The following CRACD variants were observed in gnomAD, a reference collection of about 807,000 sequenced individuals.
CRACD encodes capping protein inhibiting regulator of actin dynamics.
CRACD carries 56 observed loss-of-function variants against 106.8 expected under a neutral mutation model. The ratio of observed to expected loss-of-function variants is 0.52; its 90% CI spans 0.42 to 0.66. The LOEUF (loss-of-function observed/expected upper bound fraction) is 0.66. Ranked by LOEUF, CRACD falls within the 30% of genes least tolerant of loss-of-function variation. CRACD has a pLI of 0.00. For missense variants in CRACD, 1,730 were observed against 1,623.2 expected, an observed-to-expected ratio of 1.07 and a Z score of -1.13; for synonymous variants, 754 against 670.8, an observed-to-expected ratio of 1.12 and a Z score of -1.92.
intron 1 of CRACD, among the ~76,000 whole-genome samples, chr4:56,111,769 C>G (rs148163475): frequency 2.8e-4 from 43 of 152,274 alleles, no homozygotes; most frequent in African/African-American, 1.0e-3. Context: ...CTGCCCGCCT[C>G]AGCCTTCCAA....
rs1282354328 is a variant in CRACD, at chr4:56,049,239, C to T, written c.-396C>T. 6.6e-6 allele frequency: 1 copy of T among 150,876 alleles called. No homozygotes were observed. The highest frequency in any genetic ancestry group is 1.5e-5 in the Non-Finnish European group (1 of 67,614). 9.3% of individuals were successfully genotyped at this position (150,876 alleles called of 1,614,324 possible). A position where few individuals can be genotyped will look rare whatever the true frequency, so the allele number is the denominator to read the frequency against. On this transcript the variant is annotated 5_prime_UTR_variant, in exon 1 of 11. Transcript: ENST00000682029. ...CAGTGCCGCCGAGTCCGCCGCCCGC[C>T]CGGGACCGCCGGTCGCCGGCCAGCC...
At chr4:56,270,589 T>C (rs1742291435) in intron 2 of CRACD, among the ~76,000 whole-genome samples, 1 of 152,172 alleles carries the variant, frequency 6.6e-6, no homozygotes, top group Admixed American at 6.5e-5. Context: ...CTATCTTTAC[T>C]TCTCTCTCAA....
At chr4:56,252,277 C>T (rs1452066345) in intron 2 of CRACD, among the ~76,000 whole-genome samples, 3 of 152,170 alleles carry the variant, frequency 2.0e-5, no homozygotes, top group Non-Finnish European at 4.4e-5. Context: ...ACACATACCA[C>T]CATCACAACC....
chr4:56,166,264 TAGTCCAAAATATGGAAAA>T (rs1736140424), intron 1 of CRACD, among the ~76,000 whole-genome samples: 1 of 152,198 alleles, frequency 6.6e-6, no homozygotes, highest in Non-Finnish European at 1.5e-5. Flanking sequence ...CTTTTGGAAG[TAGTCCAAAATATGGAAAA>T]AGTTATGTGC....
At chr4:56,253,415 A>G (rs1577807647) in intron 2 of CRACD, among the ~76,000 whole-genome samples, 1 of 152,218 alleles carries the variant, frequency 6.6e-6, no homozygotes, top group African/African-American at 2.4e-5. Context: ...TAGTTCAGTC[A>G]CCTCATTTTG....
intron 1 of CRACD, among the ~76,000 whole-genome samples, chr4:56,056,022 AT>A (rs1342504953): frequency 6.6e-6 from 1 of 152,132 alleles, no homozygotes; most frequent in Non-Finnish European, 1.5e-5. Context: ...GTTATCAAAT[AT>A]TTTTCTTTGC....
At chr4:56,175,227 T>C (rs1340489174) in intron 1 of CRACD, among the ~76,000 whole-genome samples, 1 of 152,208 alleles carries the variant, frequency 6.6e-6, no homozygotes, top group Non-Finnish European at 1.5e-5. Context: ...GTTCTCTTCT[T>C]AGTTTTTTGA....
At chr4:56,100,389 T>C (rs552751287) in intron 1 of CRACD, among the ~76,000 whole-genome samples, 78 of 152,324 alleles carry the variant, frequency 5.1e-4, no homozygotes, top group African/African-American at 1.8e-3. Flanking sequence ...CTTTGTTAAT[T>C]GCAAAAAAGG....
chr4:56,302,097 T>C (rs1744401856), intron 4 of CRACD, among the ~76,000 whole-genome samples: 1 of 152,174 alleles, frequency 6.6e-6, no homozygotes, highest in Non-Finnish European at 1.5e-5. Context: ...TCAACCTCTC[T>C]GGCACTTTCT....
chr4:56,074,455 A>G (rs1732765066), intron 1 of CRACD, among the ~76,000 whole-genome samples: 1 of 152,096 alleles, frequency 6.6e-6, no homozygotes. Context: ...GCAGTTGTGA[A>G]TGGGAGTTCA....
chr4:56,327,663 T>A lies in CRACD; in HGVS notation c.3561T>A (p.Ala1187=). ...TSVTVEISDS[A]PPAPLVKEVT... The stretch of plus-strand genomic sequence containing the variant: ...ATCCAGTGGAGATCTCCGACTCGGC[T>A]CCCCCAGCGCCGCTGGTAAAAGAAG... The change falls in exon 11 of 11, where the codon GCT becomes GCA. Residue 1187 remains alanine, a synonymous_variant. Coordinates refer to ENST00000682029, the MANE Select transcript of CRACD (RefSeq NM_001393381.1). The A allele has an allele frequency of 6.2e-7, 1 of 1,605,230 alleles. No homozygotes were observed. Among genetic ancestry groups the A allele is most frequent in the Admixed American group, 1.7e-5 (1 of 59,312 alleles).
chr4:56,108,641 A>G (rs1178612000), intron 1 of CRACD, among the ~76,000 whole-genome samples: 1 of 152,138 alleles, frequency 6.6e-6, no homozygotes, highest in Admixed American at 6.5e-5. Context: ...TTTATTGCAT[A>G]CAAGACAAGG....
intron 2 of CRACD, among the ~76,000 whole-genome samples, chr4:56,214,581 G>A (rs376394682): frequency 1.3e-5 from 2 of 150,608 alleles, no homozygotes; most frequent in East Asian, 3.9e-4. Context: ...AACAGTGTGA[G>A]ACTGTCTCAA....
chr4:56,200,455 G>C (rs1737827606), intron 2 of CRACD, among the ~76,000 whole-genome samples: 2 of 152,036 alleles, frequency 1.3e-5, no homozygotes, highest in South Asian at 4.2e-4. Flanking sequence ...CTACACAGGG[G>C]CTCTGTAAGT....
intron 2 of CRACD, among the ~76,000 whole-genome samples, chr4:56,236,822 G>C (rs551874217): frequency 6.6e-6 from 1 of 151,490 alleles, no homozygotes; most frequent in East Asian, 1.9e-4. Context: ...TATTTGCAAC[G>C]TATTACAAAT....
chr4:56,198,054 T>C lies in CRACD; in HGVS notation c.-189+18624T>C, dbSNP rs559586682. Among the ~76,000 whole-genome samples, 3 of 152,302 alleles carry C rather than the reference T, an allele frequency of 2.0e-5. No homozygotes were observed. In the South Asian group the frequency reaches 6.2e-4, roughly 32 times the overall value. On this transcript the variant is annotated intron_variant, in intron 2 of 10. Transcript: ENST00000682029. Reference sequence around the variant, plus strand: ...ACTTCTTCGACTACATTATTTCTTATCTTTCCTCATTAGAAATCACTAATT... The same window carrying C: ...ACTTCTTCGACTACATTATTTCTTACCTTTCCTCATTAGAAATCACTAATT...
chr4:56,200,275 A>T (rs1252167255), intron 2 of CRACD, among the ~76,000 whole-genome samples: 1 of 152,122 alleles, frequency 6.6e-6, no homozygotes, highest in East Asian at 1.9e-4. Flanking sequence ...CTAGAACCTC[A>T]TTTTTTTATA....
At chr4:56,113,408 G>T (rs996986900) in intron 1 of CRACD, among the ~76,000 whole-genome samples, 6 of 152,004 alleles carry the variant, frequency 3.9e-5, no homozygotes, top group Admixed American at 3.9e-4. Context: ...TTCCTAGTTT[G>T]CAAAAAGCTG....
At chr4:56,158,672 A>AGAGAG (rs1735842746) in intron 1 of CRACD, among the ~76,000 whole-genome samples, 1 of 152,196 alleles carries the variant, frequency 6.6e-6, no homozygotes, top group Admixed American at 6.5e-5. Flanking sequence ...ATGTCAACAC[A>AGAGAG]GAGAGGAGAA....
Sources: gnomAD v4.1 joint callset for allele counts (sites outside exome capture counted in the v4.1 genomes callset) on GRCh38, gnomAD v4.1.1 for gene constraint, MANE v1.5 for transcripts, NCBI Gene and HGNC (gene_info 2026-07-23, HGNC 2026-07-21) for gene names.